The following CEP112 variants were observed in gnomAD, a reference collection of about 807,000 sequenced individuals.
CEP112 encodes centrosomal protein of 112 kDa.
In CEP112, 127 loss-of-function variants were observed where a neutral mutation model predicts 153.0. That is an observed-to-expected ratio of 0.83 (90% CI 0.72 to 0.96). The LOEUF (loss-of-function observed/expected upper bound fraction) is 0.96. CEP112 is among the 40% of genes least tolerant of loss of function. The pLI is 0.00. For synonymous variants in CEP112, 358 were observed against 374.4 expected (o/e 0.96, Z 0.51); for missense variants, 1,089 against 1,101.2 (o/e 0.99, Z 0.16).
intron 23 of CEP112, among the ~76,000 whole-genome samples, chr17:65,713,551 C>T (rs1190084633): frequency 6.6e-6 from 1 of 152,106 alleles, no homozygotes; most frequent in Admixed American, 6.5e-5. Context: ...ATTTCTTTAA[C>T]AGCTATTATT....
At chr17:66,111,842 A>T (rs1048565517) in intron 6 of CEP112, among the ~76,000 whole-genome samples, 1 of 151,090 alleles carries the variant, frequency 6.6e-6, no homozygotes, top group Non-Finnish European at 1.5e-5. Context: ...TAAATGTTTT[A>T]AAAAAGCATC....
At chr17:66,149,884 G>GTTTTT (rs1242689416) in intron 4 of CEP112, among the ~76,000 whole-genome samples, 534 of 46,756 alleles carry the variant, frequency 0.011, 59 homozygotes, top group African/African-American at 0.016. Context: ...TTTTTTGTTT[G>GTTTTT]TTTGTTTTTT....
At chr17:65,848,247 T>G (rs988457911) in intron 21 of CEP112, among the ~76,000 whole-genome samples, 1 of 152,176 alleles carries the variant, frequency 6.6e-6, no homozygotes, top group African/African-American at 2.4e-5. Flanking sequence ...CACTTCCACT[T>G]CCAGACTTAT....
chr17:65,771,132 G>A (rs907613419), intron 21 of CEP112, among the ~76,000 whole-genome samples: 8 of 152,012 alleles, frequency 5.3e-5, no homozygotes, highest in African/African-American at 1.9e-4. Flanking sequence ...GTGCTTTCAC[G>A]ATAAATGCTT....
In CEP112 at chr17:65,646,016, G is replaced by C. The variant is rs58506065; in HGVS notation, c.2698-4951C>G. 5.3e-3 allele frequency among the ~76,000 whole-genome samples: 809 copies of C among 152,170 alleles called. 7 individuals are homozygous for C. Among genetic ancestry groups the C allele is most frequent in the African/African-American group, 0.019 (780 of 41,524 alleles). On this transcript the variant is annotated intron_variant, in intron 24 of 26. Transcript: ENST00000535342. ...AGTTTTCAAGTACTTTGGAGGTCAC[G>C]GCCAAGTACTTAAGCCCTTTGGTTC...
chr17:65,969,505 T>C (rs2062556830), intron 17 of CEP112, among the ~76,000 whole-genome samples: 1 of 152,202 alleles, frequency 6.6e-6, no homozygotes, highest in African/African-American at 2.4e-5. Context: ...GTATACTGTA[T>C]TTGCATTACT....
At chr17:66,009,189 TTGTGTGTGTGTGTGTGTGTGTGTG>T (rs34971943) in intron 16 of CEP112, among the ~76,000 whole-genome samples, 3 of 146,856 alleles carry the variant, frequency 2.0e-5, no homozygotes, top group African/African-American at 5.1e-5. Context: ...TGTTATCCCT[TTGTGTGTGTGTGTGTGTGTGTGTG>T]TGTGTGTGTG....
At position 65,637,074 on chromosome 17, in the gene CEP112, G is replaced by A. The variant is rs376194372; in HGVS notation, c.2864+50C>T. The A allele has an allele frequency of 5.3e-4, 735 of 1,396,440 alleles. 10 individuals are homozygous for A. The South Asian group carries it at 6.3e-3, about 12-fold the overall frequency. 86.5% of individuals were successfully genotyped at this position (1,396,440 alleles called of 1,614,324 possible). ...AGGCCAGACAAGGAGGCTCACAGGTGACACAACACAAACTAATCAGGAGAC... is the reference window on the plus strand; with the variant it reads ...AGGCCAGACAAGGAGGCTCACAGGTAACACAACACAAACTAATCAGGAGAC... On this transcript the variant is annotated intron_variant, in intron 26 of 26. Transcript: ENST00000535342.
chr17:65,763,520 CTT>C (rs1366909870), intron 21 of CEP112, among the ~76,000 whole-genome samples: 2 of 145,556 alleles, frequency 1.4e-5, no homozygotes, highest in Non-Finnish European at 3.0e-5. Context: ...TTTTTTTTCT[CTT>C]TGTTTTACAA....
intron 16 of CEP112, among the ~76,000 whole-genome samples, chr17:66,011,132 T>C (rs112096497): frequency 0.04 from 6,072 of 152,250 alleles, 168 homozygotes; most frequent in South Asian, 0.11. Context: ...GATTTAATTA[T>C]GTAACTCATT....
chr17:65,636,137 A>G (rs2044754784), intron 26 of CEP112, among the ~76,000 whole-genome samples, 163 bp from the exon 27 acceptor site: 1 of 152,256 alleles, frequency 6.6e-6, no homozygotes. Flanking sequence ...TCTTACCTAC[A>G]CCGAGCAAAC....
intron 4 of CEP112, among the ~76,000 whole-genome samples, chr17:66,146,678 G>C (rs186939618): frequency 6.6e-6 from 1 of 151,908 alleles, no homozygotes; most frequent in South Asian, 2.1e-4. Context: ...CCTATTCCCT[G>C]CTTCCCACTG....
At chr17:65,969,816 G>A (rs957708313) in intron 17 of CEP112, among the ~76,000 whole-genome samples, 3 of 142,734 alleles carry the variant, frequency 2.1e-5, no homozygotes, top group East Asian at 2.6e-4. Context: ...TATATTACCT[G>A]CATACATATT....
rs1568313593 is a variant in CEP112 at position 65,970,377 on chromosome 17, T to TCATGCATGTAAATTACATGCACA, written c.1737-8780_1737-8779insTGTGCATGTAATTTACATGCATG. Among the ~76,000 whole-genome samples, 48 of 71,078 alleles carry TCATGCATGTAAATTACATGCACA rather than the reference T, an allele frequency of 6.8e-4. 6 individuals are homozygous for TCATGCATGTAAATTACATGCACA. Among genetic ancestry groups the TCATGCATGTAAATTACATGCACA allele is most frequent in the African/African-American group, 1.8e-3 (48 of 26,110 alleles). 46.6% of individuals were successfully genotyped at this position (71,078 alleles called of 152,430 possible). ...TATGTGCCTATATTACATGCACACA[T>TCATGCATGTAAATTACATGCACA]CATGCATATATATTACATGCATGCA... is the stretch of plus-strand genomic sequence containing the variant. On this transcript the variant is annotated intron_variant, in intron 17 of 26. Transcript: ENST00000535342.
chr17:66,167,876 G>C (rs187574699), intron 4 of CEP112, among the ~76,000 whole-genome samples: 6 of 152,284 alleles, frequency 3.9e-5, no homozygotes, highest in African/African-American at 1.2e-4. Context: ...AAGATTTCTA[G>C]AACAGTACCT....
chr17:65,824,876 C>A (rs2056763721), intron 21 of CEP112, among the ~76,000 whole-genome samples: 1 of 152,060 alleles, frequency 6.6e-6, no homozygotes, highest in Admixed American at 6.6e-5. Flanking sequence ...TTGTGCACTG[C>A]CGATGGGAAT....
At chr17:65,963,319 T>C (rs2062283010) in intron 17 of CEP112, among the ~76,000 whole-genome samples, 1 of 152,092 alleles carries the variant, frequency 6.6e-6, no homozygotes, top group Non-Finnish European at 1.5e-5. Context: ...TTTAGAGAAA[T>C]ATCATAAAGG....
chr17:65,982,680 A>G (rs1025023886), intron 17 of CEP112, among the ~76,000 whole-genome samples: 3 of 152,246 alleles, frequency 2.0e-5, no homozygotes, highest in Non-Finnish European at 4.4e-5. Flanking sequence ...GTATACAAAC[A>G]GTAAGCTGTC....
At chr17:65,970,975 G>T (rs1200000534) in intron 17 of CEP112, among the ~76,000 whole-genome samples, 1 of 150,690 alleles carries the variant, frequency 6.6e-6, no homozygotes, top group Non-Finnish European at 1.5e-5. Context: ...TGGCCAGGCT[G>T]ATTTTAAAAA....
Sources: gnomAD v4.1 joint callset for allele counts (sites outside exome capture counted in the v4.1 genomes callset) on GRCh38, gnomAD v4.1.1 for gene constraint, MANE v1.5 for transcripts, NCBI Gene and HGNC (gene_info 2026-07-23, HGNC 2026-07-21) for gene names.